Variants in DOCK2 observed in about 807,000 individuals in gnomAD.
DOCK2 encodes the protein dedicator of cytokinesis 2, also known as dedicator of cytokinesis protein 2.
A neutral mutation model predicts 248.9 loss-of-function variants in DOCK2; 87 were observed. The observed-to-expected ratio is 0.35, with a 90% CI of 0.29 to 0.42. The LOEUF is 0.42. Ranked by LOEUF, DOCK2 falls within the 10% of genes least tolerant of loss-of-function variation. DOCK2 has a pLI of 1.00. For synonymous variants in DOCK2, 805 were observed against 821.6 expected (o/e 0.98, Z 0.35); for missense variants, 1,747 against 2,300.2 (o/e 0.76, Z 4.92).
intron 44 of DOCK2, among the ~76,000 whole-genome samples, chr5:170,067,156 A>G (rs1353955664): frequency 1.3e-5 from 2 of 152,234 alleles, no homozygotes; most frequent in Non-Finnish European, 2.9e-5. Context: ...CTCTCTGGCC[A>G]ATAACTCACA....
At chr5:169,777,748 C>T (rs116679781) in intron 25 of DOCK2, among the ~76,000 whole-genome samples, 1,600 of 152,206 alleles carry the variant, frequency 0.011, 30 homozygotes, top group African/African-American at 0.037. Context: ...GTGATGTTGC[C>T]GGTGAGAGGC....
chr5:169,998,070 G>T, intron 30 of DOCK2: 1 of 456,098 alleles, frequency 2.2e-6, no homozygotes, highest in Non-Finnish European at 4.4e-6. Context: ...CCTTAAAGAG[G>T]CCTCCCCTCC....
chr5:169,897,158 A>C (rs1773656958), intron 27 of DOCK2, among the ~76,000 whole-genome samples: 1 of 152,196 alleles, frequency 6.6e-6, no homozygotes, highest in African/African-American at 2.4e-5. Flanking sequence ...AGATTTGGAA[A>C]GTATCACAAT....
chr5:169,674,279 T>C lies in DOCK2; in HGVS notation c.322-18T>C, dbSNP rs1206484634. 12 of 1,613,118 alleles carry C rather than the reference T, an allele frequency of 7.4e-6. No individual in the cohort carries two copies. The highest frequency in any genetic ancestry group is 9.3e-6 in the Non-Finnish European group (11 of 1,179,574). On this transcript the variant is annotated intron_variant, in intron 5 of 51. Transcript: ENST00000520908. ...CCCCTTTAACACAGGTAATTATGGGTTGTTTCTTGTCTCCTAGGCCAGCAA... is the reference window on the plus strand; with the variant it reads ...CCCCTTTAACACAGGTAATTATGGGCTGTTTCTTGTCTCCTAGGCCAGCAA...
At chr5:169,704,757 ATATGTGTGTGTGTGTG>A (rs1262999303) in intron 14 of DOCK2, among the ~76,000 whole-genome samples, 6 of 118,378 alleles carry the variant, frequency 5.1e-5, no homozygotes, top group East Asian at 2.7e-4. Context: ...TACTCCATAT[ATATGTGTGTGTGTGTG>A]TGTGTGTGTG....
intron 27 of DOCK2, among the ~76,000 whole-genome samples, chr5:169,870,971 G>C (rs1364494291): frequency 1.3e-5 from 2 of 152,186 alleles, no homozygotes; most frequent in Non-Finnish European, 1.5e-5. Flanking sequence ...AGTGCTGTTA[G>C]TTGGGTGTCT....
chr5:169,967,000 C>T lies in DOCK2; in HGVS notation c.2800-16068C>T, dbSNP rs371641948. On this transcript the variant is annotated intron_variant, in intron 27 of 51. Transcript: ENST00000520908. The stretch of plus-strand genomic sequence containing the variant: ...GTCCCACTGATTCTTCCATCTGAGA[C>T]CATATTATATATCCATTCATTGAGC... Among the ~76,000 whole-genome samples, 42 of 152,348 alleles carry T rather than the reference C, an allele frequency of 2.8e-4. 1 individual carries two copies. The South Asian group carries it at 8.1e-3, about 29-fold the overall frequency.
At chr5:170,070,874 T>G (rs942174536) in intron 46 of DOCK2, among the ~76,000 whole-genome samples, 2 of 152,162 alleles carry the variant, frequency 1.3e-5, no homozygotes, top group African/African-American at 4.8e-5. Context: ...TCTACTACTG[T>G]CTTGGAGCTT....
intron 37 of DOCK2, 152 bp from the exon 38 acceptor site, chr5:170,041,861 G>T: frequency 1.0e-6 from 1 of 998,230 alleles, no homozygotes; most frequent in South Asian, 1.7e-5. Context: ...GGTACCCCAA[G>T]TTTCCAGAAA....
At chr5:169,889,668 C>T (rs1773173561) in intron 27 of DOCK2, among the ~76,000 whole-genome samples, 1 of 152,230 alleles carries the variant, frequency 6.6e-6, no homozygotes, top group Admixed American at 6.5e-5. Context: ...ATATTTCCAT[C>T]TTTGCTGGCC....
At chr5:170,013,375 G>C (rs1350353208) in intron 32 of DOCK2, among the ~76,000 whole-genome samples, 1 of 151,858 alleles carries the variant, frequency 6.6e-6, no homozygotes, top group Non-Finnish European at 1.5e-5. Context: ...CACAGCAAAG[G>C]AGACTTTAAG....
intron 29 of DOCK2, among the ~76,000 whole-genome samples, chr5:169,990,526 G>A (rs898602123): frequency 3.9e-5 from 6 of 152,142 alleles, no homozygotes; most frequent in Non-Finnish European, 5.9e-5. Flanking sequence ...AAATGTTTCC[G>A]GGCACTTGGG....
At chr5:170,071,276 T>C (rs1757671443) in intron 46 of DOCK2, among the ~76,000 whole-genome samples, 1 of 152,238 alleles carries the variant, frequency 6.6e-6, no homozygotes, top group Non-Finnish European at 1.5e-5. Context: ...GCAACAGTAA[T>C]AGTGATGGAC....
chr5:169,674,775 C>T (rs895487989), intron 6 of DOCK2, among the ~76,000 whole-genome samples: 1 of 152,198 alleles, frequency 6.6e-6, no homozygotes, highest in Non-Finnish European at 1.5e-5. Flanking sequence ...CCTGCATTTG[C>T]AAAACTCTCC....
At chr5:169,812,273 T>C (rs1767805521) in intron 26 of DOCK2, among the ~76,000 whole-genome samples, 1 of 152,184 alleles carries the variant, frequency 6.6e-6, no homozygotes, top group Non-Finnish European at 1.5e-5. Context: ...GAACTGCACA[T>C]GAGAGGAGTC....
intron 27 of DOCK2, among the ~76,000 whole-genome samples, chr5:169,913,179 T>C (rs1228992022): frequency 6.6e-6 from 1 of 152,236 alleles, no homozygotes; most frequent in Non-Finnish European, 1.5e-5. Flanking sequence ...TCATTAGTGT[T>C]CTAGCGGAGT....
intron 26 of DOCK2, among the ~76,000 whole-genome samples, chr5:169,819,328 A>C (rs1402463548): frequency 6.6e-6 from 1 of 151,922 alleles, no homozygotes; most frequent in Non-Finnish European, 1.5e-5. Context: ...AACAACAACA[A>C]AACTTTCCTT....
At chr5:169,804,897 G>A (rs1000752168) in intron 26 of DOCK2, among the ~76,000 whole-genome samples, 45 of 152,278 alleles carry the variant, frequency 3.0e-4, no homozygotes, top group African/African-American at 1.1e-3. Flanking sequence ...AGATATTCTA[G>A]ATTCATTCAG....
intron 23 of DOCK2, among the ~76,000 whole-genome samples, chr5:169,754,119 G>A (rs936510105): frequency 2.0e-4 from 31 of 152,092 alleles, no homozygotes; most frequent in African/African-American, 7.0e-4. Flanking sequence ...AGAGAGAAAG[G>A]GAGGAGAGAG....
Sources: allele counts gnomAD v4.1 joint callset (sites outside exome capture counted in the v4.1 genomes callset), GRCh38; gene constraint gnomAD v4.1.1; transcripts MANE v1.5; gene names NCBI Gene and HGNC (gene_info 2026-07-23, HGNC 2026-07-21).